LOXL2: variants seen among roughly 807,000 people sequenced by gnomAD.
LOXL2 encodes the protein lysyl oxidase like 2, also known as lysyl oxidase homolog 2.
Under a neutral mutation model 93.0 loss-of-function variants are expected in LOXL2, and 70 were observed. That is an observed-to-expected ratio of 0.75 (90% CI 0.62 to 0.92). The LOEUF is 0.92. Among genes scored for constraint, LOXL2 ranks in the 40% least tolerant of loss-of-function variants. The pLI is 0.00. For synonymous variants in LOXL2, 438 were observed against 413.2 expected (o/e 1.06, Z -0.73); for missense variants, 973 against 1,054.9 (o/e 0.92, Z 1.08).
In LOXL2 at chr8:23,385,864, G is replaced by A. The variant is rs116200027; in HGVS notation, c.-83-17430C>T. 6.7e-3 allele frequency: 4,809 copies of A among 721,036 alleles called. 140 individuals are homozygous for A. In the African/African-American group the frequency reaches 0.072, roughly 11 times the overall value. The allele number at this position is 721,036 out of a possible 1,614,324, so 44.7% of individuals were successfully genotyped here. On this transcript the variant is annotated intron_variant, in intron 1 of 13. Transcript: ENST00000389131. Reference sequence around the variant, plus strand: ...AAAAATTATTAATGAGATGTTTTGCGTTCTTTTTTCTTTTTGTACTAAGTC... The same window carrying A: ...AAAAATTATTAATGAGATGTTTTGCATTCTTTTTTCTTTTTGTACTAAGTC...
intron 12 of LOXL2, among the ~76,000 whole-genome samples, chr8:23,300,478 C>T (rs924418008): frequency 2.0e-5 from 3 of 152,184 alleles, no homozygotes; most frequent in African/African-American, 7.2e-5. Flanking sequence ...TCCTCCTGTC[C>T]TTCACAGCAC....
Position 23,322,284 on chromosome 8 carries a change from G to A in LOXL2, c.1151-3C>T, listed in dbSNP as rs746347445. 18 of 1,612,094 alleles carry A rather than the reference G, an allele frequency of 1.1e-5. No homozygotes were observed. The East Asian group carries it at 2.9e-4, about 26-fold the overall frequency. ...GTTGAGGTGGATGGGTCCGATCCCT[G>A]CAAGGGGAGAATAAACATGCTCTAT... On this transcript the variant is annotated splice_region_variant and splice_polypyrimidine_tract_variant and intron_variant, in intron 6 of 13. Coordinates refer to ENST00000389131, the MANE Select transcript of LOXL2 (RefSeq NM_002318.3).
chr8:23,335,822 G>A (rs1171671343), intron 4 of LOXL2, among the ~76,000 whole-genome samples: 2 of 152,176 alleles, frequency 1.3e-5, no homozygotes, highest in African/African-American at 4.8e-5. Context: ...GAAGACAGAG[G>A]AAGGGCAAAT....
chr8:23,303,977 T>TG (rs1215619311), intron 10 of LOXL2, among the ~76,000 whole-genome samples: 1 of 152,068 alleles, frequency 6.6e-6, no homozygotes, highest in African/African-American at 2.4e-5. Context: ...GCTTCAGACC[T>TG]GGTCAGGAAG....
chr8:23,310,934 T>G (rs913440510), intron 9 of LOXL2, among the ~76,000 whole-genome samples: 2 of 152,266 alleles, frequency 1.3e-5, no homozygotes, highest in Non-Finnish European at 2.9e-5. Flanking sequence ...GCTTTACCTT[T>G]AAAAGTGAGC....
intron 3 of LOXL2, among the ~76,000 whole-genome samples, chr8:23,345,578 T>C (rs1803957753): frequency 6.6e-6 from 1 of 152,216 alleles, no homozygotes; most frequent in Admixed American, 6.5e-5. Context: ...GAGTTAGACC[T>C]CTTAGAAAAC....
intron 5 of LOXL2, among the ~76,000 whole-genome samples, chr8:23,332,921 G>A (rs71504406): frequency 0.55 from 80,649 of 145,790 alleles, 22,468 homozygotes; most frequent in Non-Finnish European, 0.58. Context: ...CCCCACAGAG[G>A]GGGGGTGTTT....
chr8:23,354,950 T>TATATATATATATATATA (rs1491334754), intron 3 of LOXL2, among the ~76,000 whole-genome samples: 21 of 17,932 alleles, frequency 1.2e-3, no homozygotes, highest in South Asian at 2.6e-3. Flanking sequence ...TATATATATA[T>TATATATATATATATATA]TTTTTTTTTT....
At chr8:23,402,815 A>G (rs1191184322) in intron 1 of LOXL2, 1 of 151,534 alleles carries the variant, frequency 6.6e-6, no homozygotes, top group Non-Finnish European at 1.5e-5. Flanking sequence ...AGATCTCTGC[A>G]GTTTCAAGAT....
intron 6 of LOXL2, among the ~76,000 whole-genome samples, chr8:23,327,949 C>T (rs1188547226): frequency 6.6e-6 from 1 of 152,088 alleles, no homozygotes; most frequent in Non-Finnish European, 1.5e-5. Flanking sequence ...AGGGCTGCTC[C>T]AGGGAGGAAA....
chr8:23,397,218 T>TA (rs58551151), intron 1 of LOXL2, among the ~76,000 whole-genome samples: 28,926 of 152,084 alleles, frequency 0.19, 2,951 homozygotes, highest in East Asian at 0.26. Context: ...AGAGTGGAGT[T>TA]AGTGTTCAAT....
intron 1 of LOXL2, among the ~76,000 whole-genome samples, chr8:23,379,438 G>A (rs1296148082): frequency 6.6e-6 from 1 of 152,178 alleles, no homozygotes; most frequent in Non-Finnish European, 1.5e-5. Flanking sequence ...CTCCATGCTG[G>A]GAGAACCACT....
At position 23,404,043 on chromosome 8, in the gene LOXL2, G is replaced by A; in HGVS notation, c.-173C>T. On this transcript the variant is annotated 5_prime_UTR_variant, in exon 1 of 14. Transcript: ENST00000389131. The stretch of plus-strand genomic sequence containing the variant: ...TCCGCCGCCGCTGAGCCCCTTTCTC[G>A]AGCAGAGGGGGCGGCTCTGGTCTCC... 5.0e-6 allele frequency: 1 copy of A among 198,394 alleles called. No homozygotes were observed. The highest frequency in any genetic ancestry group is 1.1e-5 in the Non-Finnish European group (1 of 92,524). The allele number at this position is 198,394 out of a possible 1,614,324, so 12.3% of individuals were successfully genotyped here.
intron 1 of LOXL2, among the ~76,000 whole-genome samples, chr8:23,395,210 C>T (rs552087809): frequency 7.3e-5 from 11 of 151,562 alleles, no homozygotes; most frequent in South Asian, 2.1e-4. Flanking sequence ...GCCGAGATGG[C>T]GCCACTGCAC....
At chr8:23,304,003 C>T (rs1375782018) in intron 10 of LOXL2, among the ~76,000 whole-genome samples, 1 of 152,150 alleles carries the variant, frequency 6.6e-6, no homozygotes, top group Non-Finnish European at 1.5e-5. Context: ...GCAGCTTCGC[C>T]TCTGGCCCTG....
intron 12 of LOXL2, among the ~76,000 whole-genome samples, chr8:23,301,292 G>A (rs1803127220): frequency 6.6e-6 from 1 of 152,194 alleles, no homozygotes; most frequent in Admixed American, 6.5e-5. Flanking sequence ...AGACACTAGG[G>A]ACACAATGCC....
intron 1 of LOXL2, among the ~76,000 whole-genome samples, chr8:23,389,129 C>G (rs976453136): frequency 2.0e-5 from 3 of 152,120 alleles, no homozygotes; most frequent in Non-Finnish European, 4.4e-5. Context: ...CTTCATGAAG[C>G]CTCACTTAAT....
intron 3 of LOXL2, among the ~76,000 whole-genome samples, chr8:23,345,534 G>A (rs1414001237): frequency 3.3e-5 from 5 of 152,140 alleles, no homozygotes; most frequent in African/African-American, 9.7e-5. Context: ...GCACACATTC[G>A]GTGCTCACAC....
intron 9 of LOXL2, chr8:23,316,630 T>C: frequency 3.2e-6 from 1 of 317,066 alleles, no homozygotes; most frequent in Non-Finnish European, 5.7e-6. Context: ...GTCATCGACC[T>C]CATTTAACTG....
Sources: gnomAD v4.1 joint callset for allele counts (sites outside exome capture counted in the v4.1 genomes callset) on GRCh38, gnomAD v4.1.1 for gene constraint, MANE v1.5 for transcripts, NCBI Gene and HGNC (gene_info 2026-07-23, HGNC 2026-07-21) for gene names.